HIP1: variants seen among roughly 807,000 people sequenced by gnomAD.
The protein encoded by HIP1 is huntingtin interacting protein 1, also known as huntingtin-interacting protein 1.
Under a neutral mutation model 147.6 loss-of-function variants are expected in HIP1, and 65 were observed. That is an observed-to-expected ratio of 0.44 (90% CI 0.36 to 0.54). HIP1 has a LOEUF of 0.54. HIP1 is among the 20% of genes least tolerant of loss of function. The probability of loss-of-function intolerance (pLI) is 0.00; values close to 1 mark genes in which losing one functional copy is unlikely to be tolerated. For synonymous variants in HIP1, 479 were observed against 504.0 expected, an observed-to-expected ratio of 0.95 and a Z score of 0.67; for missense variants, 1,061 against 1,299.6, an observed-to-expected ratio of 0.82 and a Z score of 2.82.
At chr7:75,589,782 G>C (rs1164814086) in intron 4 of HIP1, among the ~76,000 whole-genome samples, 1 of 149,220 alleles carries the variant, frequency 6.7e-6, no homozygotes, top group Non-Finnish European at 1.5e-5. Flanking sequence ...CTAGGCTGGA[G>C]TGCAGTGGTG....
intron 1 of HIP1, among the ~76,000 whole-genome samples, chr7:75,621,061 C>T (rs1209188730): frequency 6.6e-6 from 1 of 152,030 alleles, no homozygotes; most frequent in Non-Finnish European, 1.5e-5. Context: ...AAGATCCTGT[C>T]TCTACAAAAA....
chr7:75,590,328 G>A (rs10254150), intron 4 of HIP1, among the ~76,000 whole-genome samples: 3,382 of 152,132 alleles, frequency 0.022, 111 homozygotes, highest in African/African-American at 0.078. Context: ...GGTAGACCTA[G>A]ATAAAACAAG....
chr7:75,619,256 C>T (rs782276711), intron 1 of HIP1, among the ~76,000 whole-genome samples: 1 of 152,158 alleles, frequency 6.6e-6, no homozygotes, highest in East Asian at 1.9e-4. Flanking sequence ...GGCACAGTGG[C>T]TCATGCCTGT....
In HIP1 at chr7:75,535,711, TA is replaced by T; in HGVS notation, c.*2460del. The T allele has an allele frequency of 5.7e-6, 1 of 175,738 alleles. No homozygotes were observed. Among genetic ancestry groups the T allele is most frequent in the Non-Finnish European group, 1.2e-5 (1 of 82,092 alleles). 10.9% of individuals were successfully genotyped at this position (175,738 alleles called of 1,614,324 possible). A position where few individuals can be genotyped will look rare whatever the true frequency, so the allele number is the denominator to read the frequency against. On this transcript the variant is annotated 3_prime_UTR_variant, in exon 31 of 31. Transcript: ENST00000336926. The stretch of plus-strand genomic sequence containing the variant: ...TACACTAGACTGTTTGCCCCATTTG[TA>T]ATTTTTTTTTTTTTTTGAGACGGAG...
chr7:75,582,761 C>T (rs587597792), intron 5 of HIP1, among the ~76,000 whole-genome samples: 9 of 152,086 alleles, frequency 5.9e-5, no homozygotes, highest in Non-Finnish European at 1.2e-4. Flanking sequence ...GAGCTGAGAT[C>T]GCACCACTGC....
chr7:75,594,551 A>G (rs782186763), intron 2 of HIP1, among the ~76,000 whole-genome samples: 1 of 152,216 alleles, frequency 6.6e-6, no homozygotes, highest in Non-Finnish European at 1.5e-5. Context: ...CGAGGTGGGC[A>G]GATCACGAGG....
chr7:75,577,331 C>CAAAA (rs1795879395), intron 7 of HIP1, among the ~76,000 whole-genome samples: 2 of 68,964 alleles, frequency 2.9e-5, no homozygotes, highest in Non-Finnish European at 5.5e-5. Flanking sequence ...GATCCCATCT[C>CAAAA]CAAAAAAAAA....
intron 8 of HIP1, among the ~76,000 whole-genome samples, chr7:75,572,279 T>G (rs1795669838): frequency 6.7e-6 from 1 of 150,058 alleles, no homozygotes; most frequent in Non-Finnish European, 1.5e-5. Context: ...ACTTCCAAAC[T>G]ATATATATTC....
intron 1 of HIP1, among the ~76,000 whole-genome samples, chr7:75,698,134 C>CA (rs2117316708): frequency 1.3e-5 from 2 of 152,216 alleles, no homozygotes; most frequent in East Asian, 3.9e-4. Context: ...TTATAACTAT[C>CA]AACAGGTCTA....
At chr7:75,727,722 T>G (rs1554522507) in intron 1 of HIP1, among the ~76,000 whole-genome samples, 2 of 151,986 alleles carry the variant, frequency 1.3e-5, no homozygotes, top group Non-Finnish European at 1.5e-5. Context: ...GGCATGTGCC[T>G]GTAGTCCCAG....
intron 1 of HIP1, among the ~76,000 whole-genome samples, chr7:75,671,866 C>T (rs1445817553): frequency 1.3e-5 from 2 of 152,186 alleles, no homozygotes; most frequent in Non-Finnish European, 2.9e-5. Context: ...TCCCAAGCAG[C>T]TGGGATTACA....
intron 1 of HIP1, among the ~76,000 whole-genome samples, chr7:75,659,601 A>T (rs62475500): frequency 0.15 from 22,739 of 151,962 alleles, 2,056 homozygotes; most frequent in Middle Eastern, 0.23. Context: ...GAGAGCCAAG[A>T]TTGCGCCACT....
intron 1 of HIP1, among the ~76,000 whole-genome samples, chr7:75,653,986 G>T (rs1269821048): frequency 1.2e-4 from 19 of 152,146 alleles, no homozygotes; most frequent in Admixed American, 3.9e-4. Context: ...AAACTAGTGG[G>T]CACCTCTGGC....
chr7:75,663,698 G>A (rs1178104204), intron 1 of HIP1, among the ~76,000 whole-genome samples: 1 of 151,436 alleles, frequency 6.6e-6, no homozygotes, highest in African/African-American at 2.4e-5. Flanking sequence ...ATAGGAAAGA[G>A]ATGAGAGAAC....
At chr7:75,682,604 A>T (rs1403734142) in intron 1 of HIP1, among the ~76,000 whole-genome samples, 1 of 151,650 alleles carries the variant, frequency 6.6e-6, no homozygotes, top group East Asian at 1.9e-4. Flanking sequence ...AACAAAACAA[A>T]ACAAAAAACA....
rs1242732571 is a variant in HIP1, at chr7:75,646,086, A to AT, written c.121-46840dup. Among the ~76,000 whole-genome samples, 1,082 of 149,148 alleles carry AT rather than the reference A, an allele frequency of 7.3e-3. 13 individuals are homozygous for AT. The highest frequency in any genetic ancestry group is 0.024 in the African/African-American group (971 of 40,838). ...CATGTACCCCCTGAATCTAAAATGA[A>AT]TTTTTTTTTTTGAGATAGAGTCTCG... On this transcript the variant is annotated intron_variant, in intron 1 of 30. Transcript: ENST00000336926.
intron 1 of HIP1, among the ~76,000 whole-genome samples, chr7:75,629,221 A>G (rs1435393528): frequency 6.6e-6 from 1 of 152,180 alleles, no homozygotes; most frequent in Non-Finnish European, 1.5e-5. Flanking sequence ...AGGCCCGGGT[A>G]GCAGTAGGCA....
At chr7:75,709,058 C>T (rs1801083604) in intron 1 of HIP1, among the ~76,000 whole-genome samples, 2 of 150,122 alleles carry the variant, frequency 1.3e-5, no homozygotes, top group Admixed American at 6.6e-5. Context: ...ATTGTACAAG[C>T]CTTTCAACTC....
intron 9 of HIP1, among the ~76,000 whole-genome samples, chr7:75,564,586 G>C (rs917238525): frequency 4.6e-5 from 7 of 151,610 alleles, no homozygotes; most frequent in African/African-American, 1.7e-4. Context: ...GAGCCAATGT[G>C]CCCTGCCTAT....
Sources: allele counts gnomAD v4.1 joint callset (sites outside exome capture counted in the v4.1 genomes callset), GRCh38; gene constraint gnomAD v4.1.1; transcripts MANE v1.5; gene names NCBI Gene and HGNC (gene_info 2026-07-23, HGNC 2026-07-21).